The following CA10 variants were observed in gnomAD, a reference collection of about 807,000 sequenced individuals.
CA10 encodes carbonic anhydrase 10 (inactive).
A neutral mutation model predicts 44.2 loss-of-function variants in CA10; 14 were observed. The observed-to-expected ratio is 0.32, with a 90% CI of 0.21 to 0.50. The LOEUF is 0.50. CA10 is among the 20% of genes least tolerant of loss of function. The pLI is 0.99. For synonymous variants in CA10, 159 were observed against 141.6 expected (o/e 1.12, Z -0.87); for missense variants, 350 against 409.7 (o/e 0.85, Z 1.26).
chr17:51,917,392 G>A (rs1184948859), intron 3 of CA10, among the ~76,000 whole-genome samples: 2 of 107,012 alleles, frequency 1.9e-5, no homozygotes, highest in Non-Finnish European at 4.9e-5. Context: ...GTGCATGGCA[G>A]GATGAGAGCA....
At chr17:51,666,007 G>T (rs1914192215) in intron 4 of CA10, among the ~76,000 whole-genome samples, 1 of 152,242 alleles carries the variant, frequency 6.6e-6, no homozygotes, top group African/African-American at 2.4e-5. Context: ...CTTAGTCCCA[G>T]GGTCTCCTGG....
intron 1 of CA10, among the ~76,000 whole-genome samples, chr17:52,098,618 A>C (rs1463550148): frequency 6.6e-6 from 1 of 152,162 alleles, no homozygotes; most frequent in Admixed American, 6.5e-5. Context: ...ATACTACTTC[A>C]TCTTCTATTT....
Position 51,823,445 on chromosome 17 carries a change from C to T in CA10, c.280-75627G>A, listed in dbSNP as rs138246181. 1.1e-3 allele frequency among the ~76,000 whole-genome samples: 174 copies of T among 152,372 alleles called. 1 individual carries two copies. The highest frequency in any genetic ancestry group is 4.1e-3 in the African/African-American group (169 of 41,590). On this transcript the variant is annotated intron_variant, in intron 3 of 8. Coordinates refer to ENST00000451037, the MANE Select transcript of CA10 (RefSeq NM_020178.5). ...GAATCATGTTCACTTTGGATACCAACTGCCAAGGGGCTGCTTTCCAGTTCT... is the reference window on the plus strand; with the variant it reads ...GAATCATGTTCACTTTGGATACCAATTGCCAAGGGGCTGCTTTCCAGTTCT...
intron 1 of CA10, among the ~76,000 whole-genome samples, chr17:52,130,803 T>C (rs1290675136): frequency 6.6e-6 from 1 of 152,102 alleles, no homozygotes; most frequent in African/African-American, 2.4e-5. Context: ...GCTCAAGTGA[T>C]CCTTCCACCT....
At chr17:51,680,288 A>G (rs1364134329) in intron 4 of CA10, among the ~76,000 whole-genome samples, 1 of 152,152 alleles carries the variant, frequency 6.6e-6, no homozygotes, top group Admixed American at 6.5e-5. Context: ...ATAGGCTTGG[A>G]AATAAGGAAA....
chr17:51,955,569 A>G (rs897714363), intron 2 of CA10, among the ~76,000 whole-genome samples: 1 of 152,118 alleles, frequency 6.6e-6, no homozygotes, highest in Non-Finnish European at 1.5e-5. Context: ...ATTCTCCCTA[A>G]GAATCAAGAC....
chr17:51,890,314 G>C (rs772592145), intron 3 of CA10, among the ~76,000 whole-genome samples: 1 of 152,194 alleles, frequency 6.6e-6, no homozygotes, highest in African/African-American at 2.4e-5. Context: ...GACATCTGCA[G>C]ATGTTGGGCT....
chr17:51,752,703 C>T (rs751208027), intron 3 of CA10, among the ~76,000 whole-genome samples: 6 of 152,138 alleles, frequency 3.9e-5, no homozygotes, highest in South Asian at 2.1e-4. Flanking sequence ...TCGAGGCAGG[C>T]GGATCACCTG....
intron 4 of CA10, among the ~76,000 whole-genome samples, chr17:51,699,801 T>C (rs1224419643): frequency 6.6e-6 from 1 of 152,116 alleles, no homozygotes; most frequent in Non-Finnish European, 1.5e-5. Context: ...CATCCCCATG[T>C]GGGTATCAAT....
chr17:52,115,960 T>C (rs1448325612), intron 1 of CA10, among the ~76,000 whole-genome samples: 8 of 152,050 alleles, frequency 5.3e-5, no homozygotes, highest in Admixed American at 3.9e-4. Flanking sequence ...GGTGTGGTGG[T>C]GCATGCCTGT....
chr17:51,693,641 C>T, intron 4 of CA10, among the ~76,000 whole-genome samples: 1 of 152,166 alleles, frequency 6.6e-6, no homozygotes, highest in East Asian at 1.9e-4. Flanking sequence ...TGGCCTCCAG[C>T]TGCATCCATA....
At chr17:51,732,273 G>A (rs1380684812) in intron 4 of CA10, among the ~76,000 whole-genome samples, 2 of 152,234 alleles carry the variant, frequency 1.3e-5, no homozygotes, top group African/African-American at 4.8e-5. Context: ...TCCCTGTGAT[G>A]AGGAAGACTG....
intron 2 of CA10, among the ~76,000 whole-genome samples, chr17:52,039,064 T>C (rs1252695534): frequency 1.3e-5 from 2 of 152,178 alleles, no homozygotes; most frequent in African/African-American, 4.8e-5. Context: ...TATAATTATT[T>C]ACTCTTCTGA....
At chr17:51,831,664 A>G (rs1049878488) in intron 3 of CA10, among the ~76,000 whole-genome samples, 4 of 105,558 alleles carry the variant, frequency 3.8e-5, no homozygotes, top group Admixed American at 9.5e-5. Context: ...AGGAGAAAAG[A>G]AAAAGCAGCA....
At chr17:51,753,875 AC>A (rs1415021313) in intron 3 of CA10, among the ~76,000 whole-genome samples, 1 of 151,768 alleles carries the variant, frequency 6.6e-6, no homozygotes, top group African/African-American at 2.4e-5. Flanking sequence ...ACGGAGTCTC[AC>A]TCTGTCGCCC....
intron 3 of CA10, among the ~76,000 whole-genome samples, chr17:51,793,410 G>A (rs1161180684): frequency 6.6e-6 from 1 of 152,182 alleles, no homozygotes; most frequent in East Asian, 1.9e-4. Context: ...ATGTTGAAAA[G>A]GAGGAAGGAC....
intron 3 of CA10, among the ~76,000 whole-genome samples, chr17:51,823,195 C>T (rs553624339): frequency 2.0e-5 from 3 of 152,274 alleles, no homozygotes; most frequent in Non-Finnish European, 2.9e-5. Flanking sequence ...TGCTGAAAGC[C>T]AACAGCCAGG....
chr17:52,043,672 G>A (rs186699371), intron 2 of CA10, among the ~76,000 whole-genome samples: 1 of 152,160 alleles, frequency 6.6e-6, no homozygotes, highest in Non-Finnish European at 1.5e-5. Flanking sequence ...TCACTGTTGT[G>A]TATAATGTTA....
intron 2 of CA10, among the ~76,000 whole-genome samples, chr17:52,064,370 A>G (rs771259482): frequency 6.6e-6 from 1 of 152,150 alleles, no homozygotes; most frequent in Non-Finnish European, 1.5e-5. Flanking sequence ...CTACTAAATA[A>G]ATGGTAATTC....
Sources: allele counts gnomAD v4.1 joint callset (sites outside exome capture counted in the v4.1 genomes callset), GRCh38; gene constraint gnomAD v4.1.1; transcripts MANE v1.5; gene names NCBI Gene and HGNC (gene_info 2026-07-23, HGNC 2026-07-21).